The following CD247 variants were observed in gnomAD, a reference collection of about 807,000 sequenced individuals.
The protein encoded by CD247 is T-cell surface glycoprotein CD3 zeta chain.
CD247 carries 13 observed loss-of-function variants against 30.0 expected under a neutral mutation model. The ratio of observed to expected loss-of-function variants is 0.43; its 90% CI spans 0.28 to 0.69. CD247 has a LOEUF of 0.69. Among genes scored for constraint, CD247 ranks in the 30% least tolerant of loss-of-function variants. CD247 has a pLI of 0.16. For synonymous variants in CD247, 72 were observed against 80.0 expected (o/e 0.90, Z 0.53); for missense variants, 193 against 212.6 (o/e 0.91, Z 0.57).
At chr1:167,502,224 C>T (rs1654944054) in intron 1 of CD247, among the ~76,000 whole-genome samples, 1 of 152,342 alleles carries the variant, frequency 6.6e-6, no homozygotes, top group East Asian at 1.9e-4. Flanking sequence ...TGCATGTGAA[C>T]GTGTCCTCAA....
rs1421303841 is a variant in CD247 at position 167,515,709 on chromosome 1, GC to G, written c.58+2698del. ...TATGTTTCTGTGCTGGTATGGGTGTGCCCAGAAATCAGAAGAGGGATGAGTT... is the reference window on the plus strand; with the variant it reads ...TATGTTTCTGTGCTGGTATGGGTGTGCCAGAAATCAGAAGAGGGATGAGTT... On this transcript the variant is annotated intron_variant, in intron 1 of 7. Coordinates refer to ENST00000362089, the MANE Select transcript of CD247 (RefSeq NM_198053.3). 2.0e-5 allele frequency among the ~76,000 whole-genome samples: 3 copies of G among 152,322 alleles called. No homozygotes were observed. The East Asian group carries it at 5.8e-4, about 29-fold the overall frequency.
chr1:167,438,549 G>A (rs1651658278), intron 4 of CD247, 21 bp downstream of exon 4: 3 of 1,595,522 alleles, frequency 1.9e-6, no homozygotes, highest in African/African-American at 2.7e-5. Flanking sequence ...GGAACACACA[G>A]GAAGGTAGAG....
At chr1:167,464,399 A>G (rs946438350) in intron 1 of CD247, among the ~76,000 whole-genome samples, 2 of 152,156 alleles carry the variant, frequency 1.3e-5, no homozygotes, top group African/African-American at 4.8e-5. Flanking sequence ...ATGGGTTCCT[A>G]AAAACCTGTT....
intron 1 of CD247, among the ~76,000 whole-genome samples, chr1:167,498,734 C>T (rs74767848): frequency 5.0e-4 from 76 of 152,258 alleles, no homozygotes; most frequent in African/African-American, 1.8e-3. Flanking sequence ...GTGATAAAGC[C>T]AAAACTTTAA....
At chr1:167,487,532 G>C (rs908056357) in intron 1 of CD247, among the ~76,000 whole-genome samples, 1 of 152,172 alleles carries the variant, frequency 6.6e-6, no homozygotes, top group African/African-American at 2.4e-5. Flanking sequence ...GCCTCAGCCT[G>C]GCACCTCCAT....
chr1:167,503,720 G>A (rs572127967), intron 1 of CD247, among the ~76,000 whole-genome samples: 13 of 152,288 alleles, frequency 8.5e-5, no homozygotes, highest in African/African-American at 3.1e-4. Flanking sequence ...AAGGAAGGGT[G>A]ACACATCTGA....
intron 2 of CD247, chr1:167,440,246 G>A: frequency 3.6e-6 from 1 of 274,408 alleles, no homozygotes; most frequent in Non-Finnish European, 7.1e-6. Context: ...AAGGCACCAA[G>A]TGAAAAACCC....
intron 1 of CD247, among the ~76,000 whole-genome samples, chr1:167,469,226 GC>G (rs1015981580): frequency 4.6e-5 from 7 of 152,094 alleles, no homozygotes; most frequent in East Asian, 3.9e-4. Flanking sequence ...CAAGTGATCT[GC>G]CCCCCCTCAG....
chr1:167,508,873 G>T (rs376835364), intron 1 of CD247, among the ~76,000 whole-genome samples: 1 of 152,142 alleles, frequency 6.6e-6, no homozygotes, highest in African/African-American at 2.4e-5. Context: ...CATGGTTTCC[G>T]GGACCAGGGA....
At chr1:167,436,165 C>T (rs77440112) in intron 4 of CD247, among the ~76,000 whole-genome samples, 4,091 of 152,238 alleles carry the variant, frequency 0.027, 71 homozygotes, top group Non-Finnish European at 0.045. Flanking sequence ...GTTCAACAAA[C>T]GAAATCAATA....
intron 1 of CD247, among the ~76,000 whole-genome samples, chr1:167,449,697 C>T (rs1652265720): frequency 6.6e-6 from 1 of 151,928 alleles, no homozygotes; most frequent in Admixed American, 6.6e-5. Flanking sequence ...CCGAGGTGGG[C>T]AGATCGCCTG....
chr1:167,458,699 T>TTTC (rs1394704268), intron 1 of CD247: 11 of 53,722 alleles, frequency 2.0e-4, no homozygotes, highest in Non-Finnish European at 5.8e-4. Context: ...CTTTTTTTTT[T>TTTC]TTTTTTTTTT....
At chr1:167,440,586 T>A in intron 2 of CD247, 78 bp downstream of exon 2, 1 of 981,286 alleles carries the variant, frequency 1.0e-6, no homozygotes, top group Non-Finnish European at 1.6e-6. Context: ...GCTTGAGACC[T>A]TCCAAGACCA....
chr1:167,434,440 T>TACA (rs942007368), intron 5 of CD247: 39 of 369,012 alleles, frequency 1.1e-4, no homozygotes, highest in Middle Eastern at 9.1e-4. Context: ...GTTGTCTCTT[T>TACA]ACACAGCCAA....
chr1:167,438,503 C>G, intron 4 of CD247, 67 bp downstream of exon 4: 4 of 1,259,106 alleles, frequency 3.2e-6, no homozygotes, highest in Middle Eastern at 1.9e-4. Context: ...GAGGAGCCCT[C>G]CCCCACAGCC....
intron 1 of CD247, among the ~76,000 whole-genome samples, chr1:167,455,525 G>A (rs1652605521): frequency 6.6e-6 from 1 of 152,202 alleles, no homozygotes; most frequent in South Asian, 2.1e-4. Context: ...CGCCAGCCGC[G>A]GCTCCCGTGC....
At chr1:167,501,369 C>T (rs1205237286) in intron 1 of CD247, among the ~76,000 whole-genome samples, 1 of 152,160 alleles carries the variant, frequency 6.6e-6, no homozygotes. Context: ...TCCTATTGTT[C>T]TTAACCAGGG....
chr1:167,451,727 G>A, intron 1 of CD247, among the ~76,000 whole-genome samples: 1 of 152,222 alleles, frequency 6.6e-6, no homozygotes, highest in East Asian at 1.9e-4. Context: ...GACCGTACTT[G>A]AAGAAAAGGT....
At chr1:167,461,283 C>A (rs1315293968) in intron 1 of CD247, among the ~76,000 whole-genome samples, 1 of 152,238 alleles carries the variant, frequency 6.6e-6, no homozygotes, top group Non-Finnish European at 1.5e-5. Context: ...CTCACCTGGA[C>A]CCAGGGATAA....
Sources: gnomAD v4.1 joint callset for allele counts (sites outside exome capture counted in the v4.1 genomes callset) on GRCh38, gnomAD v4.1.1 for gene constraint, MANE v1.5 for transcripts, NCBI Gene and HGNC (gene_info 2026-07-23, HGNC 2026-07-21) for gene names.